Variants in HERC1 observed in about 807,000 individuals in gnomAD.
HERC1 encodes the protein probable E3 ubiquitin-protein ligase HERC1.
A neutral mutation model predicts 554.3 loss-of-function variants in HERC1; 160 were observed. The ratio of observed to expected loss-of-function variants is 0.29; its 90% CI spans 0.25 to 0.33. The LOEUF (loss-of-function observed/expected upper bound fraction) is 0.33, where lower values mean the gene tolerates loss of function less well. Among genes scored for constraint, HERC1 ranks in the 10% least tolerant of loss-of-function variants. The pLI is 1.00. For missense variants in HERC1, 4,919 were observed against 5,918.5 expected (o/e 0.83, Z 5.54); for synonymous variants, 2,175 against 2,131.7 (o/e 1.02, Z -0.56).
At chr15:63,633,735 A>G in intron 67 of HERC1, 113 bp downstream of exon 67, 2 of 1,141,370 alleles carry the variant, frequency 1.8e-6, no homozygotes, top group South Asian at 3.5e-5. Context: ...TCTAAACTTC[A>G]TTATGAACTA....
intron 34 of HERC1, among the ~76,000 whole-genome samples, chr15:63,682,137 C>CTA (rs199971171): frequency 0.013 from 2,012 of 152,226 alleles, 23 homozygotes; most frequent in East Asian, 0.023. Flanking sequence ...AAAGATAAAA[C>CTA]TCTGGTACCT....
At chr15:63,789,631 C>T (rs886806208) in intron 1 of HERC1, among the ~76,000 whole-genome samples, 6 of 151,214 alleles carry the variant, frequency 4.0e-5, no homozygotes, top group Non-Finnish European at 5.9e-5. Context: ...AACCCCATCT[C>T]GACTAAAAAT....
chr15:63,829,303 G>C (rs1257069284), intron 1 of HERC1, among the ~76,000 whole-genome samples: 1 of 151,432 alleles, frequency 6.6e-6, no homozygotes, highest in African/African-American at 2.4e-5. Context: ...CACATCTGTA[G>C]TCCCAGCTAC....
intron 25 of HERC1, among the ~76,000 whole-genome samples, chr15:63,704,844 T>C (rs2072917993): frequency 6.6e-6 from 1 of 151,174 alleles, no homozygotes; most frequent in South Asian, 2.1e-4. Flanking sequence ...GTTCACACCA[T>C]TCTCCTGCCT....
At chr15:63,651,550 A>G (rs1317930777) in intron 52 of HERC1, among the ~76,000 whole-genome samples, 170 bp from the exon 53 acceptor site, 1 of 152,226 alleles carries the variant, frequency 6.6e-6, no homozygotes, top group Non-Finnish European at 1.5e-5. Flanking sequence ...AATGTTTGTC[A>G]TCATGTGAAA....
At chr15:63,722,105 T>C (rs1245275418) in intron 19 of HERC1, among the ~76,000 whole-genome samples, 3 of 152,138 alleles carry the variant, frequency 2.0e-5, no homozygotes, top group Non-Finnish European at 4.4e-5. Context: ...CCTCAAGTGA[T>C]ACCTCCCACC....
rs2067642279 is a variant in HERC1 at position 63,612,475 on chromosome 15, T to C, written c.14176A>G (p.Met4726Val). 1 of 1,613,958 alleles carries C rather than the reference T, an allele frequency of 6.2e-7. No individual in the cohort carries two copies. Among genetic ancestry groups the C allele is most frequent in the Non-Finnish European group, 8.5e-7 (1 of 1,179,874 alleles). The stretch of plus-strand genomic sequence containing the variant: ...GAGATCTCGGGCATCCCACACACCA[T>C]CTGCTCCAGTTGTTTTGCTGTGAGG... Reference protein sequence around the residue: ...SLLTAKQLEQMVCGMPEISVE... With the variant: ...SLLTAKQLEQVVCGMPEISVE... Residue 4726 changes from methionine (M) to valine (V), a missense_variant, in exon 77 of 78, where the codon ATG becomes GTG. By Grantham distance (21) the Met-to-Val change is conservative (BLOSUM62 1). Around this residue, in one of 11 missense-constraint regions of HERC1, gnomAD observed 284 missense variants for 294.1 expected, o/e 0.97. Coordinates refer to ENST00000443617, the MANE Select transcript of HERC1 (RefSeq NM_003922.4). This position sits in a 1 kb window ranked among gnomAD's most constrained non-coding sequence, Gnocchi z 5.0.
chr15:63,634,986 A>G (rs1404671521), intron 65 of HERC1, 98 bp from the exon 66 acceptor site: 1 of 822,768 alleles, frequency 1.2e-6, no homozygotes, highest in Non-Finnish European at 1.8e-6. Context: ...TAAACTTTAC[A>G]TAAACTTCAC....
chr15:63,794,674 TA>T (rs2076757798), intron 1 of HERC1, among the ~76,000 whole-genome samples: 2 of 152,126 alleles, frequency 1.3e-5, no homozygotes, highest in African/African-American at 4.8e-5. Flanking sequence ...ATATCTCACC[TA>T]CCACCCATTA....
At chr15:63,810,085 G>T (rs969165723) in intron 1 of HERC1, among the ~76,000 whole-genome samples, 1 of 152,040 alleles carries the variant, frequency 6.6e-6, no homozygotes, top group East Asian at 1.9e-4. Context: ...ACAATTATTT[G>T]GAATGTATTA....
chr15:63,687,306 G>A lies in HERC1; in HGVS notation c.6049-771C>T, dbSNP rs146235072. Among the ~76,000 whole-genome samples the A allele has an allele frequency of 2.5e-3, 382 of 152,306 alleles. 1 individual carries two copies. Among genetic ancestry groups the A allele is most frequent in the Non-Finnish European group, 4.3e-3 (291 of 68,034 alleles). Reference sequence around the variant, plus strand: ...TGTAATCCCAGCAATTTGAGAGACCGAAGCGGGCGGATCACAAGGTCAGTA... The same window carrying A: ...TGTAATCCCAGCAATTTGAGAGACCAAAGCGGGCGGATCACAAGGTCAGTA... On this transcript the variant is annotated intron_variant, in intron 33 of 77. Transcript: ENST00000443617.
At chr15:63,738,967 T>C (rs1020829566) in intron 12 of HERC1, among the ~76,000 whole-genome samples, 1 of 123,712 alleles carries the variant, frequency 8.1e-6, no homozygotes, top group Non-Finnish European at 1.7e-5. Flanking sequence ...TCCCTCTACT[T>C]GAAAAGTCAG....
intron 1 of HERC1, among the ~76,000 whole-genome samples, chr15:63,826,784 TAAAAAAAAAAAAAAAAAAAA>T (rs71456333): frequency 5.4e-5 from 2 of 37,096 alleles, no homozygotes; most frequent in African/African-American, 1.7e-4. Flanking sequence ...TTATCTCTGG[TAAAAAAAAAAAAAAAAAAAA>T]AAAAAAAAAA....
At chr15:63,772,620 T>C (rs2075987955) in intron 2 of HERC1, among the ~76,000 whole-genome samples, 2 of 151,836 alleles carry the variant, frequency 1.3e-5, no homozygotes, top group Non-Finnish European at 2.9e-5. Context: ...AAAACAAAGT[T>C]AGAAAAACAT....
intron 61 of HERC1, 95 bp from the exon 62 acceptor site, chr15:63,638,871 T>C: frequency 1.2e-6 from 1 of 849,574 alleles, no homozygotes; most frequent in Non-Finnish European, 1.9e-6. Flanking sequence ...AAGTCTTATT[T>C]CCAAAAAAGA....
chr15:63,792,908 C>T (rs2076693718), intron 1 of HERC1, among the ~76,000 whole-genome samples: 1 of 152,200 alleles, frequency 6.6e-6, no homozygotes, highest in Non-Finnish European at 1.5e-5. Flanking sequence ...GACCAACTAG[C>T]TATAAAGCAG....
intron 17 of HERC1, among the ~76,000 whole-genome samples, chr15:63,725,854 T>C (rs2140761835): frequency 6.6e-6 from 1 of 152,314 alleles, no homozygotes; most frequent in African/African-American, 2.4e-5. Context: ...CTGAGTTTAT[T>C]CCTCCAAAAT....
At chr15:63,729,190 T>G (rs763772679) in intron 16 of HERC1, 46 bp downstream of exon 16, 22 of 1,531,510 alleles carry the variant, frequency 1.4e-5, no homozygotes, top group Non-Finnish European at 1.8e-5. Flanking sequence ...CAAGTGTTCT[T>G]ACTTCTTAAT....
chr15:63,678,369 T>C lies in HERC1; in HGVS notation c.6550-4A>G. ...TCTGCATATCACAAATTTTCACCTA[T>C]ATAAAAGTAAAGAGGGTGGAAAACA... On this transcript the variant is annotated splice_region_variant and splice_polypyrimidine_tract_variant and intron_variant, in intron 36 of 77. Transcript: ENST00000443617. 1.9e-6 allele frequency: 3 copies of C among 1,578,056 alleles called. No individual in the cohort carries two copies. The highest frequency in any genetic ancestry group is 2.6e-6 in the Non-Finnish European group (3 of 1,164,168).
Sources: gnomAD v4.1 joint callset for allele counts (sites outside exome capture counted in the v4.1 genomes callset) on GRCh38, gnomAD v4.1.1 for gene constraint, gnomAD v4.1.1 regional missense constraint, Gnocchi (gnomAD v3.1) non-coding constraint, MANE v1.5 for transcripts, NCBI Gene and HGNC (gene_info 2026-07-23, HGNC 2026-07-21) for gene names.